PPM1E: variants seen among roughly 807,000 people sequenced by gnomAD.
PPM1E encodes protein phosphatase, Mg2+/Mn2+ dependent 1E, also known as protein phosphatase 1E.
A neutral mutation model predicts 65.9 loss-of-function variants in PPM1E; 20 were observed. The observed-to-expected ratio is 0.30, with a 90% confidence interval of 0.21 to 0.44. The LOEUF is 0.44. Among genes scored for constraint, PPM1E ranks in the 20% least tolerant of loss-of-function variants. The pLI is 1.00. For missense variants in PPM1E, 713 were observed against 953.1 expected, an observed-to-expected ratio of 0.75 and a Z score of 3.32; for synonymous variants, 352 against 374.9, an observed-to-expected ratio of 0.94 and a Z score of 0.70.
intron 1 of PPM1E, among the ~76,000 whole-genome samples, chr17:58,831,547 T>G (rs1356032611): frequency 1.3e-5 from 2 of 152,162 alleles, no homozygotes; most frequent in Admixed American, 6.6e-5. Context: ...TGCATGGGAG[T>G]TTAGAAGAAA....
At chr17:58,841,557 G>T (rs541275972) in intron 1 of PPM1E, among the ~76,000 whole-genome samples, 63 of 137,046 alleles carry the variant, frequency 4.6e-4, no homozygotes, top group Non-Finnish European at 7.0e-4. Context: ...GTCTTGCTCT[G>T]TCTCCCAGAC....
At chr17:58,853,366 A>G (rs1470489919) in intron 1 of PPM1E, among the ~76,000 whole-genome samples, 3 of 152,030 alleles carry the variant, frequency 2.0e-5, no homozygotes, top group Admixed American at 6.6e-5. Flanking sequence ...AAAAGGCTGT[A>G]TTTTTCTCCA....
At chr17:58,941,866 G>C (rs531614775) in intron 1 of PPM1E, among the ~76,000 whole-genome samples, 1 of 151,248 alleles carries the variant, frequency 6.6e-6, no homozygotes, top group African/African-American at 2.4e-5. Flanking sequence ...TTAGCTGGGC[G>C]TGGTGGCAGG....
rs180793576 is a variant in PPM1E, at chr17:58,901,544, G to T, written c.465-54105G>T. Reference sequence around the variant, plus strand: ...AATACAAAAATTAGCCGGGCATGGTGGTCTGCGCCTGTAGTCCCAACTACT... The same window carrying T: ...AATACAAAAATTAGCCGGGCATGGTTGTCTGCGCCTGTAGTCCCAACTACT... On this transcript the variant is annotated intron_variant, in intron 1 of 6. Coordinates refer to ENST00000308249, the MANE Select transcript of PPM1E (RefSeq NM_014906.5). 3.3e-5 allele frequency among the ~76,000 whole-genome samples: 5 copies of T among 152,062 alleles called. No homozygotes were observed. The East Asian group carries it at 9.7e-4, about 29-fold the overall frequency.
At chr17:58,765,568 T>TA (rs1250795433) in intron 1 of PPM1E, among the ~76,000 whole-genome samples, 2 of 152,156 alleles carry the variant, frequency 1.3e-5, no homozygotes, top group African/African-American at 2.4e-5. Flanking sequence ...ATATGAAGAG[T>TA]AATGAACTGT....
intron 1 of PPM1E, among the ~76,000 whole-genome samples, chr17:58,858,204 T>C (rs375428577): frequency 6.6e-6 from 1 of 152,164 alleles, no homozygotes; most frequent in South Asian, 2.1e-4. Context: ...CAACACATAA[T>C]TGTCCATATT....
intron 1 of PPM1E, among the ~76,000 whole-genome samples, chr17:58,820,256 A>G (rs1478491957): frequency 1.3e-5 from 2 of 152,148 alleles, no homozygotes; most frequent in African/African-American, 4.8e-5. Flanking sequence ...AAACCTATCA[A>G]TAACAATGAT....
intron 1 of PPM1E, among the ~76,000 whole-genome samples, chr17:58,886,852 T>C (rs572058077): frequency 1.1e-3 from 172 of 152,294 alleles, no homozygotes; most frequent in African/African-American, 4.0e-3. Flanking sequence ...AAGTTAGTAG[T>C]TGCCTGAGGC....
intron 1 of PPM1E, among the ~76,000 whole-genome samples, chr17:58,863,429 A>T (rs1158127984): frequency 6.6e-6 from 1 of 152,232 alleles, no homozygotes; most frequent in Non-Finnish European, 1.5e-5. Flanking sequence ...CAGGCCCCAC[A>T]GCAGGATCCA....
intron 1 of PPM1E, among the ~76,000 whole-genome samples, chr17:58,869,677 A>G (rs762331762): frequency 5.9e-5 from 9 of 152,172 alleles, no homozygotes; most frequent in Non-Finnish European, 8.8e-5. Context: ...AGTCTCAGGT[A>G]TTCCTTTATA....
At chr17:58,758,463 G>C (rs918328053) in intron 1 of PPM1E, among the ~76,000 whole-genome samples, 2 of 151,838 alleles carry the variant, frequency 1.3e-5, no homozygotes, top group African/African-American at 4.8e-5. Flanking sequence ...GAGAGGCAGA[G>C]GTTGCAGTGA....
chr17:58,873,079 A>G (rs1368371792), intron 1 of PPM1E, among the ~76,000 whole-genome samples: 1 of 152,212 alleles, frequency 6.6e-6, no homozygotes, highest in Non-Finnish European at 1.5e-5. Flanking sequence ...CCAGCTTTAA[A>G]TTTGAATTAC....
intron 1 of PPM1E, among the ~76,000 whole-genome samples, chr17:58,887,153 G>A (rs2143414524): frequency 6.7e-6 from 1 of 148,536 alleles, no homozygotes. Context: ...TCATAAGTGA[G>A]GCCTTCTTCT....
intron 1 of PPM1E, among the ~76,000 whole-genome samples, chr17:58,861,174 G>A (rs1041136692): frequency 2.6e-5 from 4 of 152,128 alleles, no homozygotes; most frequent in Non-Finnish European, 5.9e-5. Flanking sequence ...ACTGGAAAGG[G>A]GCATGAGGCT....
chr17:58,760,861 A>G (rs2144136357), intron 1 of PPM1E, among the ~76,000 whole-genome samples: 1 of 152,338 alleles, frequency 6.6e-6, no homozygotes, highest in African/African-American at 2.4e-5. Context: ...ATACTTAGAG[A>G]TACAGTTCAT....
At chr17:58,972,603 G>A (rs1463973512) in intron 5 of PPM1E, among the ~76,000 whole-genome samples, 6 of 152,034 alleles carry the variant, frequency 3.9e-5, no homozygotes, top group Non-Finnish European at 8.8e-5. Context: ...TGCCTGCTTC[G>A]GCCTCCCAAA....
At chr17:58,921,694 A>T (rs1214824491) in intron 1 of PPM1E, among the ~76,000 whole-genome samples, 1 of 151,112 alleles carries the variant, frequency 6.6e-6, no homozygotes, top group Non-Finnish European at 1.5e-5. Flanking sequence ...TCAGTGAATC[A>T]GTAGAAGAGA....
At chr17:58,776,418 G>A (rs981711883) in intron 1 of PPM1E, among the ~76,000 whole-genome samples, 1 of 152,046 alleles carries the variant, frequency 6.6e-6, no homozygotes, top group Non-Finnish European at 1.5e-5. Context: ...GGATTCTTAC[G>A]ACAAAATCTA....
At chr17:58,873,761 A>ATTT (rs1205169911) in intron 1 of PPM1E, among the ~76,000 whole-genome samples, 4 of 136,790 alleles carry the variant, frequency 2.9e-5, no homozygotes, top group African/African-American at 2.7e-5. Flanking sequence ...TGCCCAGCTA[A>ATTT]TTTTTTTTTT....
Sources: gnomAD v4.1 joint callset for allele counts (sites outside exome capture counted in the v4.1 genomes callset) on GRCh38, gnomAD v4.1.1 for gene constraint, MANE v1.5 for transcripts, NCBI Gene and HGNC (gene_info 2026-07-23, HGNC 2026-07-21) for gene names.